OR5D3: variants seen among roughly 807,000 people sequenced by gnomAD.
The protein encoded by OR5D3 is olfactory receptor 5D3.
the OR5D3 span, chr11:55,723,978 G>A: frequency 7.5e-6 from 3 of 397,866 alleles, no homozygotes; most frequent in Non-Finnish European, 1.3e-5. Context: ...AGTGCTAAGC[G>A]GGAGCATTAT....
the OR5D3 span, chr11:55,727,067 T>C: frequency 1.7e-5 from 7 of 404,492 alleles, no homozygotes; most frequent in Non-Finnish European, 4.4e-6. Flanking sequence ...ATTCCCATGC[T>C]GAACCCCTTG....
At chr11:55,725,355 A>G in the OR5D3 span, among the ~76,000 whole-genome samples, 5 of 152,168 alleles carry the variant, frequency 3.3e-5, no homozygotes, top group South Asian at 2.1e-4. Context: ...CCTGACACTT[A>G]TTCTTGGCAA....
At chr11:55,724,884 T>C in the OR5D3 span, among the ~76,000 whole-genome samples, 1 of 152,044 alleles carries the variant, frequency 6.6e-6, no homozygotes, top group Admixed American at 6.6e-5. Flanking sequence ...GAAGATATCT[T>C]TCCTACAGGC....
the OR5D3 span, chr11:55,728,365 TG>T: frequency 1.3e-5 from 2 of 152,204 alleles, no homozygotes; most frequent in African/African-American, 4.8e-5. Flanking sequence ...AATGAAAAAC[TG>T]GGTTCAAAAT....
the OR5D3 span, chr11:55,726,269 A>G: frequency 2.5e-6 from 1 of 407,796 alleles, no homozygotes; most frequent in Non-Finnish European, 4.3e-6. Flanking sequence ...GGCTTCTCAG[A>G]ATTTCCAGAC....
At chr11:55,728,836 A>T in the OR5D3 span, 1 of 152,044 alleles carries the variant, frequency 6.6e-6, no homozygotes, top group Non-Finnish European at 1.5e-5. Context: ...GTAGATAATG[A>T]GTCATAATTA....
the OR5D3 span, chr11:55,724,171 C>T: frequency 1.3e-5 from 5 of 386,682 alleles, no homozygotes; most frequent in East Asian, 1.5e-4. Context: ...CCACTTAGTT[C>T]ATTCAACAAG....
the OR5D3 span, chr11:55,726,923 C>T: frequency 2.5e-6 from 1 of 399,526 alleles, no homozygotes. Context: ...CGCAAGAAAG[C>T]GTTCTCCACG....
chr11:55,726,793 A>G, the OR5D3 span: 5 of 398,934 alleles, frequency 1.3e-5, no homozygotes, highest in East Asian at 3.6e-5. Context: ...TGACCCCTAC[A>G]TGAGCCAGAA....
At chr11:55,729,131 T>A in the OR5D3 span, 1 of 152,186 alleles carries the variant, frequency 6.6e-6, no homozygotes. Context: ...ATTTTTTTAT[T>A]TTGGTAAATG....
the OR5D3 span, among the ~76,000 whole-genome samples, chr11:55,724,531 T>C: frequency 6.6e-6 from 1 of 152,062 alleles, no homozygotes; most frequent in Non-Finnish European, 1.5e-5. Context: ...AAGCAAACTT[T>C]ATGTAAATGA....
chr11:55,728,976 T>C, the OR5D3 span: 1 of 152,060 alleles, frequency 6.6e-6, no homozygotes, highest in Admixed American at 6.6e-5. Context: ...ATTTAGTATA[T>C]TCAATAAGGT....
the OR5D3 span, chr11:55,727,376 T>C: frequency 3.8e-4 from 119 of 311,102 alleles, no homozygotes; most frequent in Middle Eastern, 2.7e-3. Flanking sequence ...CAAAAGTTTT[T>C]GTGTTAGTAT....
At chr11:55,727,594 A>G in the OR5D3 span, 2 of 152,210 alleles carry the variant, frequency 1.3e-5, no homozygotes, top group Non-Finnish European at 2.9e-5. Flanking sequence ...TGGCATTAGA[A>G]GATTTACAGA....
At chr11:55,724,207 G>A in the OR5D3 span, among the ~76,000 whole-genome samples, 4 of 151,734 alleles carry the variant, frequency 2.6e-5, no homozygotes, top group East Asian at 3.9e-4. Flanking sequence ...GTTATATCCT[G>A]ATTCCTTCTC....
the OR5D3 span, among the ~76,000 whole-genome samples, chr11:55,725,413 T>C: frequency 6.6e-6 from 1 of 152,052 alleles, no homozygotes; most frequent in Non-Finnish European, 1.5e-5. Flanking sequence ...TCCTAAAAAC[T>C]AATATTTATT....
the OR5D3 span, chr11:55,724,132 C>A: frequency 5.1e-6 from 2 of 393,270 alleles, no homozygotes; most frequent in Non-Finnish European, 9.0e-6. Flanking sequence ...ACCAGACAAA[C>A]ACACGTGTAG....
At chr11:55,724,020 C>T in the OR5D3 span, 21 of 397,912 alleles carry the variant, frequency 5.3e-5, no homozygotes, top group Admixed American at 7.9e-4. Context: ...AAAGATCCTT[C>T]AGTAAATGAA....
chr11:55,724,168 G>C, the OR5D3 span: 6 of 386,874 alleles, frequency 1.6e-5, no homozygotes, highest in African/African-American at 1.2e-4. Flanking sequence ...AATCCACTTA[G>C]TTCATTCAAC....
Sources: gnomAD v4.1 joint callset for allele counts (sites outside exome capture counted in the v4.1 genomes callset) on GRCh38, gnomAD v4.1.1 for gene constraint, MANE v1.5 for transcripts, NCBI Gene and HGNC (gene_info 2026-07-23, HGNC 2026-07-21) for gene names.